MAP4: variants seen among roughly 807,000 people sequenced by gnomAD.
MAP4 encodes microtubule-associated protein 4.
Under a neutral mutation model 170.2 loss-of-function variants are expected in MAP4, and 76 were observed. That is an observed-to-expected ratio of 0.45 (90% CI 0.37 to 0.54). The LOEUF is 0.54. MAP4 is among the 20% of genes least tolerant of loss of function. The pLI is 0.00. For missense variants in MAP4, 2,506 were observed against 2,748.0 expected (o/e 0.91, Z 1.97); for synonymous variants, 909 against 994.5 (o/e 0.91, Z 1.62).
chr3:48,005,186 C>T (rs530466954), intron 1 of MAP4, among the ~76,000 whole-genome samples: 1 of 152,194 alleles, frequency 6.6e-6, no homozygotes, highest in Admixed American at 6.5e-5. Context: ...ATAGTGAAAC[C>T]CTGTCTCTAC....
Position 47,910,600 on chromosome 3 carries a change from T to G in MAP4, c.3821A>C (p.His1274Pro), listed in dbSNP as rs1175580494. Reference sequence around the variant, plus strand: ...TTCCACTGTGGGTGTATCTGGTGTATGTGAGAACGAAGAATCATGCATTTT... The same window carrying G: ...TTCCACTGTGGGTGTATCTGGTGTAGGTGAGAACGAAGAATCATGCATTTT... The part of the protein sequence containing the change: ...FPKMHDSSFS[H>P]TPDTPTVEAV... The change falls in exon 9 of 21, where the codon CAT (histidine) becomes CCT (proline). Residue 1274 changes from histidine to proline, a missense_variant. Physicochemically the swap from His to Pro is moderately conservative, Grantham distance 77. Coordinates refer to ENST00000683076, the MANE Select transcript of MAP4 (RefSeq NM_001385682.1). The G allele has an allele frequency of 1.3e-5, 20 of 1,536,012 alleles. No individual in the cohort carries two copies. Among genetic ancestry groups the G allele is most frequent in the Non-Finnish European group, 1.7e-5 (19 of 1,146,928 alleles).
At chr3:47,880,626 T>C (rs958388222) in intron 10 of MAP4, among the ~76,000 whole-genome samples, 4 of 152,034 alleles carry the variant, frequency 2.6e-5, no homozygotes, top group South Asian at 2.1e-4. Flanking sequence ...CCACCATACC[T>C]GAATAATTTA....
At chr3:47,898,500 C>CA (rs879856052) in intron 10 of MAP4, among the ~76,000 whole-genome samples, 3,123 of 80,964 alleles carry the variant, frequency 0.039, 34 homozygotes, top group African/African-American at 0.059. Context: ...GACTCCGCCT[C>CA]AAAAAAAAAA....
intron 1 of MAP4, among the ~76,000 whole-genome samples, chr3:48,038,098 G>A (rs1304009809): frequency 2.6e-5 from 4 of 151,364 alleles, no homozygotes; most frequent in Admixed American, 2.0e-4. Context: ...AACCCAGCAG[G>A]TGGAGTTTGC....
intron 1 of MAP4, among the ~76,000 whole-genome samples, chr3:48,055,474 G>A (rs1198383134): frequency 6.7e-5 from 10 of 150,336 alleles, no homozygotes; most frequent in South Asian, 2.2e-4. Flanking sequence ...CCGAGGTGCC[G>A]GGATTGCAGA....
chr3:47,921,254 T>C (rs2100042690), intron 5 of MAP4, among the ~76,000 whole-genome samples: 1 of 152,208 alleles, frequency 6.6e-6, no homozygotes, highest in Non-Finnish European at 1.5e-5. Context: ...TGACTTTTCT[T>C]AGTGGTTAGC....
chr3:48,018,722 G>C (rs1314450640), upstream of MAP4, among the ~76,000 whole-genome samples: 2 of 152,138 alleles, frequency 1.3e-5, no homozygotes, highest in Admixed American at 1.3e-4. Flanking sequence ...AGAATCACTT[G>C]AACCTGGGAG....
chr3:47,871,822 G>C, intron 13 of MAP4, 95 bp downstream of exon 13: 1 of 1,243,632 alleles, frequency 8.0e-7, no homozygotes, highest in South Asian at 1.4e-5. Flanking sequence ...GGCCTGCACA[G>C]CTGTTTGTGA....
chr3:47,956,770 T>C (rs2100068067), intron 3 of MAP4, among the ~76,000 whole-genome samples: 3 of 152,196 alleles, frequency 2.0e-5, no homozygotes, highest in African/African-American at 2.4e-5. Context: ...TTAGACACTT[T>C]CCATAGCTAC....
intron 3 of MAP4, among the ~76,000 whole-genome samples, chr3:47,965,176 T>C (rs2100074113): frequency 6.6e-6 from 1 of 152,252 alleles, no homozygotes; most frequent in African/African-American, 2.4e-5. Flanking sequence ...CTGGCTTTTT[T>C]CACTTAGCAT....
In MAP4 at chr3:47,878,996, T is replaced by C. The variant is rs1391542610; in HGVS notation, c.5435-1473A>G. Among the ~76,000 whole-genome samples the C allele has an allele frequency of 4.6e-5, 7 of 152,238 alleles. No individual in the cohort carries two copies. The East Asian group carries it at 1.3e-3, about 29-fold the overall frequency. On this transcript the variant is annotated intron_variant, in intron 10 of 20. Transcript: ENST00000683076. ...ATTTTCTGAAAATTACAAGGACAGA[T>C]AAATTCTAATCTAGAAAACCAATTT...
At chr3:47,891,126 C>T in intron 10 of MAP4, 1 of 1,536,386 alleles carries the variant, frequency 6.5e-7, no homozygotes, top group Admixed American at 2.0e-5. Context: ...GGCTGTTTCT[C>T]TCCTCGCTGG....
At chr3:47,913,492 T>G (rs2100036992) in intron 8 of MAP4, among the ~76,000 whole-genome samples, 1 of 152,198 alleles carries the variant, frequency 6.6e-6, no homozygotes, top group African/African-American at 2.4e-5. Context: ...GTGCCATCTT[T>G]TATACTATTT....
intron 9 of MAP4, among the ~76,000 whole-genome samples, chr3:47,905,798 AGCCTGGCCAAC>A (rs750321262): frequency 1.6e-4 from 24 of 152,066 alleles, no homozygotes; most frequent in Non-Finnish European, 3.1e-4. Context: ...GTTCAAGACC[AGCCTGGCCAAC>A]ATAGTGAAAC....
chr3:47,960,608 T>C (rs565536670), intron 3 of MAP4: 74 of 180,712 alleles, frequency 4.1e-4, no homozygotes, highest in Middle Eastern at 3.0e-3. Context: ...ATTCTATATG[T>C]AGACAATCTT....
At chr3:48,013,042 T>C (rs2100106092) in intron 1 of MAP4, among the ~76,000 whole-genome samples, 1 of 152,138 alleles carries the variant, frequency 6.6e-6, no homozygotes, top group Admixed American at 6.6e-5. Context: ...GTTATTTTAT[T>C]CTGAAACATG....
chr3:48,056,875 C>T (rs1331125751), intron 1 of MAP4, among the ~76,000 whole-genome samples: 1 of 133,814 alleles, frequency 7.5e-6, no homozygotes, highest in Non-Finnish European at 1.6e-5. Flanking sequence ...CGGCCAGCCA[C>T]CCCGTCCGGG....
At chr3:47,945,675 AATTTT>A (rs2100059335) in intron 3 of MAP4, among the ~76,000 whole-genome samples, 1 of 151,902 alleles carries the variant, frequency 6.6e-6, no homozygotes, top group African/African-American at 2.4e-5. Flanking sequence ...TGTTCTACTG[AATTTT>A]ATTTACTTTT....
chr3:47,976,489 G>T (rs964899009), intron 3 of MAP4, among the ~76,000 whole-genome samples: 1 of 152,082 alleles, frequency 6.6e-6, no homozygotes, highest in Non-Finnish European at 1.5e-5. Flanking sequence ...CCTTACCCTG[G>T]TTAACTGGTT....
Sources: allele counts gnomAD v4.1 joint callset (sites outside exome capture counted in the v4.1 genomes callset), GRCh38; gene constraint gnomAD v4.1.1; transcripts MANE v1.5; gene names NCBI Gene and HGNC (gene_info 2026-07-23, HGNC 2026-07-21).